Variants in RPS6KA5 observed in about 807,000 individuals in gnomAD.
RPS6KA5 encodes the protein ribosomal protein S6 kinase A5, also known as ribosomal protein S6 kinase alpha-5.
In RPS6KA5, 27 loss-of-function variants were observed where a neutral mutation model predicts 85.5. The observed-to-expected ratio is 0.32, with a 90% CI of 0.23 to 0.44. The LOEUF (loss-of-function observed/expected upper bound fraction) is 0.44. Ranked by LOEUF, RPS6KA5 falls within the 20% of genes least tolerant of loss-of-function variation. The pLI is 1.00. For synonymous variants in RPS6KA5, 334 were observed against 348.2 expected (o/e 0.96, Z 0.46); for missense variants, 811 against 980.9 (o/e 0.83, Z 2.31).
intron 5 of RPS6KA5, among the ~76,000 whole-genome samples, chr14:90,931,564 C>A: frequency 6.7e-6 from 1 of 149,802 alleles, no homozygotes; most frequent in Non-Finnish European, 1.5e-5. Flanking sequence ...AAAAAATAAG[C>A]CGTAAAAGAA....
intron 13 of RPS6KA5, among the ~76,000 whole-genome samples, chr14:90,893,544 G>A (rs962597142): frequency 5.3e-5 from 8 of 152,050 alleles, no homozygotes; most frequent in Non-Finnish European, 7.4e-5. Context: ...GGCAAAAATA[G>A]TGCTTTTAGA....
chr14:90,927,312 A>G (rs1258826558), intron 5 of RPS6KA5, among the ~76,000 whole-genome samples: 5 of 152,278 alleles, frequency 3.3e-5, no homozygotes, highest in Non-Finnish European at 7.4e-5. Flanking sequence ...AAAAGGGAAA[A>G]CAGAAGCAAA....
intron 14 of RPS6KA5, among the ~76,000 whole-genome samples, chr14:90,881,379 G>A (rs1277533396): frequency 6.6e-6 from 1 of 151,408 alleles, no homozygotes; most frequent in African/African-American, 2.4e-5. Context: ...CCTGAACTCG[G>A]GAGGCAGAGG....
intron 1 of RPS6KA5, among the ~76,000 whole-genome samples, chr14:91,011,848 T>G (rs971806979): frequency 1.3e-5 from 2 of 152,210 alleles, no homozygotes; most frequent in Non-Finnish European, 2.9e-5. Flanking sequence ...AATACTGCAG[T>G]AAGTAAACCA....
chr14:90,992,520 C>G (rs1379505825), intron 2 of RPS6KA5, among the ~76,000 whole-genome samples: 1 of 152,136 alleles, frequency 6.6e-6, no homozygotes, highest in Non-Finnish European at 1.5e-5. Context: ...CAAGGTTTGA[C>G]TATATAAATT....
At position 90,864,038 on chromosome 14, in the gene RPS6KA5, A is replaced by G. The variant is rs1307215344; in HGVS notation, c.*8036T>C. ...ATACATTGTGCTGGGTCAAGTTAAT[A>G]CTCATATGGAAATACATAAACTTTG... On this transcript the variant is annotated 3_prime_UTR_variant, in exon 17 of 17. Transcript: ENST00000614987. 6.6e-6 allele frequency: 1 copy of G among 152,266 alleles called. No homozygotes were observed. Among genetic ancestry groups the G allele is most frequent in the Non-Finnish European group, 1.5e-5 (1 of 68,046 alleles). 9.4% of individuals were successfully genotyped at this position (152,266 alleles called of 1,614,324 possible).
chr14:90,952,048 C>T (rs1190831269), intron 3 of RPS6KA5, among the ~76,000 whole-genome samples: 1 of 152,160 alleles, frequency 6.6e-6, no homozygotes, highest in Non-Finnish European at 1.5e-5. Flanking sequence ...TGCCCCTCTA[C>T]TTCTTTGGCA....
At chr14:90,936,931 A>G (rs74086809) in intron 5 of RPS6KA5, among the ~76,000 whole-genome samples, 12 of 152,080 alleles carry the variant, frequency 7.9e-5, no homozygotes, top group African/African-American at 2.9e-4. Context: ...GGAGCCTGTG[A>G]AAGTGTCAAG....
intron 7 of RPS6KA5, among the ~76,000 whole-genome samples, chr14:90,907,595 A>G (rs1372885446): frequency 6.6e-6 from 1 of 152,252 alleles, no homozygotes; most frequent in Non-Finnish European, 1.5e-5. Flanking sequence ...AATGATAATG[A>G]AACTGTAATT....
chr14:90,985,511 G>C (rs1271602903), intron 2 of RPS6KA5, among the ~76,000 whole-genome samples: 1 of 152,170 alleles, frequency 6.6e-6, no homozygotes, highest in Admixed American at 6.5e-5. Flanking sequence ...CAAGGTGAGA[G>C]CAATGTTTTC....
Position 90,863,664 on chromosome 14 carries a change from TAA to T in RPS6KA5, c.*8408_*8409del, listed in dbSNP as rs1396998087. 1 of 152,072 alleles carries T rather than the reference TAA, an allele frequency of 6.6e-6. No individual in the cohort carries two copies. The highest frequency in any genetic ancestry group is 1.5e-5 in the Non-Finnish European group (1 of 67,978). 9.4% of individuals were successfully genotyped at this position (152,072 alleles called of 1,614,324 possible). On this transcript the variant is annotated 3_prime_UTR_variant, in exon 17 of 17. Transcript: ENST00000614987. ...AATTAAAAACAATTTGATAATAAAG[TAA>T]AACTGTCAAAAACCTAGATATAAAT... is the stretch of plus-strand genomic sequence containing the variant.
chr14:90,933,629 T>C (rs969341988), intron 5 of RPS6KA5, among the ~76,000 whole-genome samples: 1 of 152,210 alleles, frequency 6.6e-6, no homozygotes, highest in Non-Finnish European at 1.5e-5. Flanking sequence ...TTATCACAGT[T>C]ATCAACCAGA....
intron 2 of RPS6KA5, among the ~76,000 whole-genome samples, chr14:90,989,546 A>T (rs1259542671): frequency 6.6e-6 from 1 of 152,254 alleles, no homozygotes; most frequent in Non-Finnish European, 1.5e-5. Context: ...TTCATGCTGC[A>T]CTTCATTATT....
At chr14:90,900,766 A>G (rs2035121566) in intron 9 of RPS6KA5, 30 bp from the exon 10 acceptor site, 2 of 1,579,894 alleles carry the variant, frequency 1.3e-6, no homozygotes, top group Non-Finnish European at 1.7e-6. Flanking sequence ...AGATAAAGAA[A>G]AACAACTTGC....
At chr14:90,900,339 A>T (rs1162227644) in intron 10 of RPS6KA5, 98 bp from the exon 11 acceptor site, 8 of 831,808 alleles carry the variant, frequency 9.6e-6, no homozygotes, top group Non-Finnish European at 1.4e-5. Flanking sequence ...AATATTAATA[A>T]ACAGGAATAG....
chr14:90,852,789 G>A lies in RPS6KA5; in HGVS notation c.*19285C>T, dbSNP rs1488262924. On this transcript the variant is annotated 3_prime_UTR_variant, in exon 17 of 17. Transcript: ENST00000614987. ...CTGTCGCCCAGGCTGGAGTGCAGTG[G>A]CGCGATCTCGGCTCACTACAAGCTC... 6.7e-6 allele frequency: 1 copy of A among 148,460 alleles called. No homozygotes were observed. Among genetic ancestry groups the A allele is most frequent in the Non-Finnish European group, 1.5e-5 (1 of 67,556 alleles). The allele number at this position is 148,460 out of a possible 1,614,324, so 9.2% of individuals were successfully genotyped here.
intron 3 of RPS6KA5, among the ~76,000 whole-genome samples, chr14:90,961,012 AG>A (rs1381741826): frequency 2.0e-5 from 3 of 152,188 alleles, no homozygotes; most frequent in African/African-American, 7.2e-5. Flanking sequence ...CCAGATAGGC[AG>A]GGGAAGTGGG....
chr14:91,060,257 C>T, intron 1 of RPS6KA5, 75 bp downstream of exon 1: 1 of 1,001,008 alleles, frequency 1.0e-6, no homozygotes. Flanking sequence ...GCGCCCCCAG[C>T]CCCGCGCGGG....
At chr14:91,038,617 T>C (rs1345965902) in intron 1 of RPS6KA5, among the ~76,000 whole-genome samples, 2 of 152,212 alleles carry the variant, frequency 1.3e-5, no homozygotes, top group African/African-American at 4.8e-5. Flanking sequence ...GCCGCAGACC[T>C]GGCTACTGCT....
Sources: gnomAD v4.1 joint callset for allele counts (sites outside exome capture counted in the v4.1 genomes callset) on GRCh38, gnomAD v4.1.1 for gene constraint, MANE v1.5 for transcripts, NCBI Gene and HGNC (gene_info 2026-07-23, HGNC 2026-07-21) for gene names.